Variants in SPTA1 observed in about 807,000 individuals in gnomAD.
SPTA1 encodes spectrin alpha chain, erythrocytic 1.
SPTA1 carries 177 observed loss-of-function variants against 324.7 expected under a neutral mutation model. The ratio of observed to expected loss-of-function variants is 0.55; its 90% CI spans 0.48 to 0.62. The LOEUF (loss-of-function observed/expected upper bound fraction) is 0.62. Ranked by LOEUF, SPTA1 falls within the 20% of genes least tolerant of loss-of-function variation. The probability of loss-of-function intolerance (pLI) is 0.00; values close to 1 mark genes in which losing one functional copy is unlikely to be tolerated. For missense variants in SPTA1, 3,162 were observed against 2,883.6 expected, an observed-to-expected ratio of 1.10 and a Z score of -2.21; for synonymous variants, 1,195 against 1,041.3, an observed-to-expected ratio of 1.15 and a Z score of -2.84.
chr1:158,664,948 T>G (rs920161785), intron 16 of SPTA1, among the ~76,000 whole-genome samples: 9 of 152,224 alleles, frequency 5.9e-5, no homozygotes, highest in African/African-American at 2.2e-4. Flanking sequence ...CCTGTTTTGA[T>G]CTTAGTTTCT....
intron 4 of SPTA1, 108 bp from the exon 5 acceptor site, chr1:158,680,837 C>G (rs1654755384): frequency 1.4e-6 from 2 of 1,399,596 alleles, no homozygotes; most frequent in Non-Finnish European, 2.0e-6. Flanking sequence ...AATGGAGATA[C>G]TGGGGGAGAC....
chr1:158,680,513 C>T (rs1301839076), intron 5 of SPTA1, 70 bp downstream of exon 5: 2 of 1,605,336 alleles, frequency 1.2e-6, no homozygotes, highest in Non-Finnish European at 1.7e-6. Flanking sequence ...TATCCATCTA[C>T]TAATGGCCAG....
intron 39 of SPTA1, among the ~76,000 whole-genome samples, chr1:158,628,443 A>T (rs563561785): frequency 6.6e-6 from 1 of 152,170 alleles, no homozygotes; most frequent in Non-Finnish European, 1.5e-5. Context: ...GAGAATTTCT[A>T]TGACTATTAT....
intron 19 of SPTA1, among the ~76,000 whole-genome samples, chr1:158,657,272 TG>T (rs1193593316): frequency 6.6e-6 from 1 of 152,188 alleles, no homozygotes; most frequent in African/African-American, 2.4e-5. Flanking sequence ...TGAATCTCCA[TG>T]GGATGAGAAA....
Position 158,627,678 on chromosome 1 carries a change from G to T in SPTA1, c.5611C>A (p.His1871Asn). ...CACACATTTTGTACTCGGGTCTCAT[G>T]GACAGCAAAGTCATTTTCCAAAGCT... ...HEALENDFAV[H>N]ETRVQNVCAQ... The change falls in exon 40 of 52, where the codon CAT (histidine) becomes AAT (asparagine). Residue 1871 changes from histidine (H) to asparagine (N), a missense_variant. By Grantham distance (68) the His-to-Asn change is moderately conservative. Coordinates refer to ENST00000643759, the MANE Select transcript of SPTA1 (RefSeq NM_003126.4). The T allele has an allele frequency of 6.2e-7, 1 of 1,613,274 alleles. No individual in the cohort carries two copies. Among genetic ancestry groups the T allele is most frequent in the South Asian group, 1.1e-5 (1 of 91,076 alleles).
chr1:158,619,646 C>G (rs10908686), intron 44 of SPTA1, among the ~76,000 whole-genome samples: 2 of 151,942 alleles, frequency 1.3e-5, no homozygotes, highest in Non-Finnish European at 2.9e-5. Context: ...TAAATGAACA[C>G]AAAAGCAGCC....
intron 5 of SPTA1, among the ~76,000 whole-genome samples, chr1:158,678,918 CT>C (rs984428703): frequency 6.6e-6 from 1 of 152,114 alleles, no homozygotes; most frequent in African/African-American, 2.4e-5. Flanking sequence ...AAGACTAGTG[CT>C]GTGGGTCTTA....
At chr1:158,616,810 C>A (rs1309801560) in intron 47 of SPTA1, among the ~76,000 whole-genome samples, 1 of 152,022 alleles carries the variant, frequency 6.6e-6, no homozygotes, top group Non-Finnish European at 1.5e-5. Flanking sequence ...TGGTCTTTAT[C>A]TTTTTAATTT....
At chr1:158,614,771 C>T (rs1212103835) in intron 48 of SPTA1, 1 of 185,842 alleles carries the variant, frequency 5.4e-6, no homozygotes, top group East Asian at 1.5e-4. Context: ...AAAAATGTTG[C>T]CAAAATGCTA....
At chr1:158,626,106 G>C (rs1306604548) in intron 42 of SPTA1, 40 bp downstream of exon 42, 2 of 1,560,054 alleles carry the variant, frequency 1.3e-6, no homozygotes, top group South Asian at 1.1e-5. Context: ...GCTTCTGTGT[G>C]AATCAGGTCT....
At chr1:158,649,794 G>A in intron 25 of SPTA1, 62 bp downstream of exon 25, 1 of 1,306,768 alleles carries the variant, frequency 7.7e-7, no homozygotes, top group South Asian at 1.2e-5. Flanking sequence ...CATAGTAATA[G>A]ACTTAGAAGT....
chr1:158,644,516 A>G, intron 29 of SPTA1, 120 bp from the exon 30 acceptor site: 1 of 1,147,162 alleles, frequency 8.7e-7, no homozygotes, highest in Non-Finnish European at 1.3e-6. Context: ...CCATCTTCCA[A>G]GAAACACTCA....
chr1:158,663,521 A>T (rs1653391934), intron 16 of SPTA1, among the ~76,000 whole-genome samples: 1 of 152,236 alleles, frequency 6.6e-6, no homozygotes, highest in Admixed American at 6.5e-5. Flanking sequence ...AGATACAGAA[A>T]CAGGATTTTG....
intron 18 of SPTA1, 137 bp downstream of exon 18, chr1:158,661,150 G>T: frequency 7.4e-7 from 1 of 1,347,932 alleles, no homozygotes; most frequent in Middle Eastern, 1.8e-4. Context: ...CCATTTGTCA[G>T]AAATGCCAAA....
rs779796618 is a variant in SPTA1, at chr1:158,685,131, A to G, written c.241T>C (p.Tyr81His). Reference protein sequence around the residue: ...EKVNILTDKSYEDPTNIQGKY... With the variant: ...EKVNILTDKSHEDPTNIQGKY... ...ACCTGTATATTAGTTGGGTCTTCAT[A>G]GCTCTTATCGGTTAAGATATTGACT... is the stretch of plus-strand genomic sequence containing the variant. The change falls in exon 2 of 52, where the codon TAT becomes CAT. Residue 81 changes from tyrosine to histidine, a missense_variant. Coordinates refer to ENST00000643759, the MANE Select transcript of SPTA1 (RefSeq NM_003126.4). The G allele has an allele frequency of 3.2e-5, 51 of 1,613,596 alleles. No individual in the cohort carries two copies. The highest frequency in any genetic ancestry group is 4.2e-5 in the Non-Finnish European group (49 of 1,179,780).
chr1:158,645,239 C>G lies in SPTA1; in HGVS notation c.4143G>C (p.Glu1381Asp), dbSNP rs752886377. 1.2e-6 allele frequency: 2 copies of G among 1,613,910 alleles called. No homozygotes were observed. The highest frequency in any genetic ancestry group is 1.3e-5 in the African/African-American group (1 of 74,920). The change falls in exon 29 of 52, where the codon GAG (glutamate) becomes GAC (aspartate). Residue 1381 changes from glutamate to aspartate, a missense_variant. Glu to Asp is a conservative substitution (Grantham distance 45, BLOSUM62 2). Transcript: ENST00000643759. ...QAVKLERDDL[E>D]KAWEKRKKIL... is the part of the protein sequence containing the mutation. ...TCTTCTTGCGTTTTTCCCAAGCCTTCTCCAAATCATCTCTCTCTAGCTTGA... is the reference window on the plus strand; with the variant it reads ...TCTTCTTGCGTTTTTCCCAAGCCTTGTCCAAATCATCTCTCTCTAGCTTGA...
intron 30 of SPTA1, 142 bp downstream of exon 30, chr1:158,644,111 T>C: frequency 1.8e-6 from 2 of 1,142,328 alleles, no homozygotes; most frequent in Non-Finnish European, 2.4e-6. Context: ...CACTCCAGCC[T>C]GGGTGACAGA....
rs929351807 is a variant in SPTA1 at position 158,669,427 on chromosome 1, G to T, written c.1814C>A (p.Ala605Glu). Residue 605 changes from alanine to glutamate, a missense_variant, in exon 14 of 52, where the codon GCA (alanine) becomes GAA (glutamate). Ala to Glu is a moderately radical substitution (Grantham distance 107). Coordinates refer to ENST00000643759, the MANE Select transcript of SPTA1 (RefSeq NM_003126.4). ...GCCTACCTTGTAATCTTCATCATCT[G>T]CCAACTTTTTCTTCTTGTTGATCCA... ...KNWINKKKKL[A>E]DDEDYKDIQN... 9.9e-6 allele frequency: 16 copies of T among 1,613,944 alleles called. No individual in the cohort carries two copies. The Admixed American group carries it at 1.8e-4, about 18-fold the overall frequency.
In SPTA1 at chr1:158,619,071, A is replaced by T; in HGVS notation, c.6530+151T>A. 8 of 778,118 alleles carry T rather than the reference A, an allele frequency of 1.0e-5. No individual in the cohort carries two copies. In the South Asian group the frequency reaches 1.2e-4, roughly 11 times the overall value. The allele number at this position is 778,118 out of a possible 1,614,324, so 48.2% of individuals were successfully genotyped here. A position where few individuals can be genotyped will look rare whatever the true frequency, so the allele number is the denominator to read the frequency against. ...CAAGAATTGATTCAGAAAACAGTCA[A>T]CTCCAAATATAAAGCATAGGCAAGA... is the stretch of plus-strand genomic sequence containing the variant. On this transcript the variant is annotated intron_variant, in intron 45 of 51. Coordinates refer to ENST00000643759, the MANE Select transcript of SPTA1 (RefSeq NM_003126.4).
Sources: gnomAD v4.1 joint callset for allele counts (sites outside exome capture counted in the v4.1 genomes callset) on GRCh38, gnomAD v4.1.1 for gene constraint, MANE v1.5 for transcripts, NCBI Gene and HGNC (gene_info 2026-07-23, HGNC 2026-07-21) for gene names.